The following SLC35F1 variants were observed in gnomAD, a reference collection of about 807,000 sequenced individuals.
The protein encoded by SLC35F1 is chromosome 6 open reading frame 169.
Under a neutral mutation model 48.7 loss-of-function variants are expected in SLC35F1, and 14 were observed. That is an observed-to-expected ratio of 0.29 (90% CI 0.19 to 0.45). The LOEUF is 0.45. SLC35F1 is among the 20% of genes least tolerant of loss of function. The pLI is 1.00. For missense variants in SLC35F1, 404 were observed against 500.0 expected (o/e 0.81, Z 1.83); for synonymous variants, 190 against 202.2 (o/e 0.94, Z 0.51).
intron 1 of SLC35F1, among the ~76,000 whole-genome samples, chr6:118,024,648 C>A (rs1452639438): frequency 6.6e-6 from 1 of 152,064 alleles, no homozygotes. Context: ...TAGTTTTCAG[C>A]ATAAAATTGC....
intron 2 of SLC35F1, among the ~76,000 whole-genome samples, chr6:118,179,109 T>C (rs1429298191): frequency 6.6e-6 from 1 of 152,114 alleles, no homozygotes; most frequent in Non-Finnish European, 1.5e-5. Context: ...CAGGAGTTTT[T>C]GGAACAGGGG....
chr6:118,268,627 TGAG>T (rs1381167422), intron 4 of SLC35F1, among the ~76,000 whole-genome samples: 43 of 88,278 alleles, frequency 4.9e-4, no homozygotes, highest in Non-Finnish European at 7.8e-4. Flanking sequence ...TTTTTTTTTT[TGAG>T]ACAGAGTCCC....
Position 118,106,129 on chromosome 6 carries a change from C to T in SLC35F1, c.174-48316C>T, listed in dbSNP as rs1773323737. Among the ~76,000 whole-genome samples, 4 of 152,134 alleles carry T rather than the reference C, an allele frequency of 2.6e-5. No homozygotes were observed. The South Asian group carries it at 8.3e-4, about 31-fold the overall frequency. ...AATATAAAAGTTAGAAGCCTGAAAA[C>T]CTATGACTGGTACCTGTCCTCTCCT... On this transcript the variant is annotated intron_variant, in intron 1 of 7. Coordinates refer to ENST00000360388, the MANE Select transcript of SLC35F1 (RefSeq NM_001029858.4).
intron 1 of SLC35F1, among the ~76,000 whole-genome samples, chr6:117,914,431 T>A (rs1401665110): frequency 3.9e-5 from 6 of 152,200 alleles, no homozygotes; most frequent in Non-Finnish European, 5.9e-5. Context: ...GTGACAGGGC[T>A]ACAATTTGTG....
intron 1 of SLC35F1, among the ~76,000 whole-genome samples, chr6:117,950,645 G>C (rs1266864972): frequency 6.6e-6 from 1 of 152,104 alleles, no homozygotes; most frequent in Non-Finnish European, 1.5e-5. Context: ...AACATTCTTG[G>C]CACACATAGC....
intron 1 of SLC35F1, among the ~76,000 whole-genome samples, chr6:117,990,320 G>A (rs1350607413): frequency 2.0e-5 from 3 of 152,030 alleles, no homozygotes; most frequent in East Asian, 3.9e-4. Context: ...AGGCCATTGG[G>A]AAGTGTGAGT....
intron 2 of SLC35F1, among the ~76,000 whole-genome samples, chr6:118,182,999 C>T (rs1000649637): frequency 4.6e-5 from 7 of 152,016 alleles, no homozygotes; most frequent in East Asian, 3.9e-4. Flanking sequence ...TATTGTTTTT[C>T]GAAATGTGCA....
chr6:118,285,398 G>A (rs1776037337), intron 7 of SLC35F1, 60 bp downstream of exon 7: 2 of 1,587,442 alleles, frequency 1.3e-6, no homozygotes, highest in African/African-American at 2.7e-5. Context: ...ATGAACATGG[G>A]TAGGAATGCC....
At chr6:118,135,967 C>A (rs1773788311) in intron 1 of SLC35F1, among the ~76,000 whole-genome samples, 1 of 152,194 alleles carries the variant, frequency 6.6e-6, no homozygotes, top group East Asian at 1.9e-4. Flanking sequence ...GTTACCACTC[C>A]ATGCACTGGG....
intron 1 of SLC35F1, among the ~76,000 whole-genome samples, chr6:117,933,282 C>G (rs1016934047): frequency 1.3e-5 from 2 of 152,190 alleles, no homozygotes; most frequent in Non-Finnish European, 1.5e-5. Flanking sequence ...ACTCCCCTCC[C>G]TACTGTTTGC....
At chr6:118,003,607 T>C (rs141673033) in intron 1 of SLC35F1, among the ~76,000 whole-genome samples, 2 of 152,368 alleles carry the variant, frequency 1.3e-5, no homozygotes, top group Non-Finnish European at 2.9e-5. Flanking sequence ...GTTTAAATTA[T>C]AATTCAGTTT....
chr6:118,098,563 CTT>C (rs1292894314), intron 1 of SLC35F1, among the ~76,000 whole-genome samples: 2 of 152,114 alleles, frequency 1.3e-5, no homozygotes, highest in African/African-American at 4.8e-5. Context: ...CCTCTGAAGA[CTT>C]TTTGCATCTT....
chr6:118,294,794 G>A (rs554410172), intron 7 of SLC35F1, among the ~76,000 whole-genome samples: 1 of 151,926 alleles, frequency 6.6e-6, no homozygotes, highest in South Asian at 2.1e-4. Flanking sequence ...CATCAGGAAA[G>A]TGTTTTTTAT....
At chr6:118,209,900 C>A (rs1272961058) in intron 2 of SLC35F1, among the ~76,000 whole-genome samples, 2 of 152,130 alleles carry the variant, frequency 1.3e-5, no homozygotes, top group African/African-American at 2.4e-5. Context: ...TCCTCCAGGG[C>A]AATCTATATG....
At chr6:118,037,554 A>G (rs1035517304) in intron 1 of SLC35F1, among the ~76,000 whole-genome samples, 2 of 152,098 alleles carry the variant, frequency 1.3e-5, no homozygotes, top group African/African-American at 4.8e-5. Context: ...ATTCTCCTAT[A>G]AAGACACATG....
At chr6:118,194,591 A>G (rs1184293656) in intron 2 of SLC35F1, among the ~76,000 whole-genome samples, 2 of 152,162 alleles carry the variant, frequency 1.3e-5, no homozygotes, top group African/African-American at 4.8e-5. Flanking sequence ...CCTCTTTATG[A>G]CAGAATGACA....
chr6:118,213,114 C>G (rs1293927681), intron 2 of SLC35F1, among the ~76,000 whole-genome samples: 1 of 152,134 alleles, frequency 6.6e-6, no homozygotes, highest in Non-Finnish European at 1.5e-5. Context: ...AGTATGTACT[C>G]CAGTTCTGTT....
chr6:118,230,522 C>T (rs1775279123), intron 2 of SLC35F1, among the ~76,000 whole-genome samples: 2 of 152,030 alleles, frequency 1.3e-5, no homozygotes, highest in Non-Finnish European at 2.9e-5. Flanking sequence ...GGATGCATTT[C>T]TAAAACAAGG....
chr6:117,908,111 C>T lies in SLC35F1; in HGVS notation c.173+212C>T, dbSNP rs900143975. 2.6e-5 allele frequency among the ~76,000 whole-genome samples: 4 copies of T among 152,346 alleles called. No individual in the cohort carries two copies. In the South Asian group the frequency reaches 8.3e-4, roughly 32 times the overall value. On this transcript the variant is annotated intron_variant, in intron 1 of 7. Transcript: ENST00000360388. ...AGGGAGCCCTGGAGTGGTGGAGCTG[C>T]AGCTGGTCCGAGGCGGGAGTTCGGG...
Sources: allele counts gnomAD v4.1 joint callset (sites outside exome capture counted in the v4.1 genomes callset), GRCh38; gene constraint gnomAD v4.1.1; transcripts MANE v1.5; gene names NCBI Gene and HGNC (gene_info 2026-07-23, HGNC 2026-07-21).